PPP6R3: variants seen among roughly 807,000 people sequenced by gnomAD.
PPP6R3 encodes the protein serine/threonine-protein phosphatase 6 regulatory subunit 3.
PPP6R3 carries 38 observed loss-of-function variants against 110.7 expected under a neutral mutation model. The observed-to-expected ratio is 0.34, with a 90% CI of 0.26 to 0.45. PPP6R3 has a LOEUF of 0.45. Ranked by LOEUF, PPP6R3 falls within the 20% of genes least tolerant of loss-of-function variation. The pLI, the probability that PPP6R3 is intolerant of heterozygous loss-of-function variation, is 1.00. For synonymous variants in PPP6R3, 369 were observed against 373.5 expected, an observed-to-expected ratio of 0.99 and a Z score of 0.14; for missense variants, 870 against 1,062.4, an observed-to-expected ratio of 0.82 and a Z score of 2.52.
chr11:68,476,388 G>T (rs1442782561), intron 1 of PPP6R3, among the ~76,000 whole-genome samples: 1 of 146,150 alleles, frequency 6.8e-6, no homozygotes, highest in African/African-American at 2.5e-5. Flanking sequence ...AGGCAGGGAG[G>T]TTGCAGTAAG....
chr11:68,613,068 C>T lies in PPP6R3; in HGVS notation c.2573C>T (p.Thr858Ile), dbSNP rs150559707. Reference sequence around the variant, plus strand: ...GATGCCTGTCTGTTGCTCCTTAGGACTGGCCAACCAAGCGCACCAGGTGAC... The same window carrying T: ...GATGCCTGTCTGTTGCTCCTTAGGATTGGCCAACCAAGCGCACCAGGTGAC... Reference protein sequence around the residue: ...RPPSSSPEQRTGQPSAPGDTS... With the variant: ...RPPSSSPEQRIGQPSAPGDTS... The change falls in exon 24 of 24, where the codon ACT becomes ATT. Residue 858 changes from threonine to isoleucine, a missense_variant and splice_region_variant. Coordinates refer to ENST00000393800, the MANE Select transcript of PPP6R3 (RefSeq NM_001164161.2). The T allele has an allele frequency of 5.1e-4, 822 of 1,614,134 alleles. 5 individuals carry two copies. In the African/African-American group the frequency reaches 8.8e-3, roughly 17 times the overall value.
intron 1 of PPP6R3, among the ~76,000 whole-genome samples, chr11:68,464,967 C>T (rs1298056585): frequency 1.3e-5 from 2 of 151,600 alleles, no homozygotes; most frequent in Non-Finnish European, 2.9e-5. Context: ...CTGCAACCTC[C>T]GCCTCCTGGG....
chr11:68,461,826 GT>G (rs2098710051), intron 1 of PPP6R3, among the ~76,000 whole-genome samples: 1 of 152,104 alleles, frequency 6.6e-6, no homozygotes, highest in South Asian at 2.1e-4. Flanking sequence ...TTCGTGGGAC[GT>G]TTACTTTGAT....
At chr11:68,581,991 AT>A (rs2099556482) in intron 14 of PPP6R3, among the ~76,000 whole-genome samples, 1 of 152,192 alleles carries the variant, frequency 6.6e-6, no homozygotes, top group Admixed American at 6.5e-5. Flanking sequence ...TTTGCTCAGA[AT>A]TTTACAAGAC....
At chr11:68,508,536 G>A (rs1051228183) in intron 1 of PPP6R3, among the ~76,000 whole-genome samples, 23 of 152,126 alleles carry the variant, frequency 1.5e-4, no homozygotes, top group African/African-American at 4.8e-4. Flanking sequence ...GGATGGAAAA[G>A]TACTTGCACA....
rs112228175 is a variant in PPP6R3 at position 68,600,318 on chromosome 11, T to C, written c.2039-23T>C. Reference sequence around the variant, plus strand: ...TGAAACGACTGAAGTGTTTTCCAAATAGAATTTCTCCCCTCTTTTTAGCAC... The same window carrying C: ...TGAAACGACTGAAGTGTTTTCCAAACAGAATTTCTCCCCTCTTTTTAGCAC... On this transcript the variant is annotated intron_variant, in intron 19 of 23. Transcript: ENST00000393800. 4.4e-6 allele frequency: 7 copies of C among 1,608,292 alleles called. No homozygotes were observed. In the Admixed American group the frequency reaches 5.0e-5, roughly 12 times the overall value.
At chr11:68,466,428 A>ATT (rs1255712125) in intron 1 of PPP6R3, among the ~76,000 whole-genome samples, 1 of 136,030 alleles carries the variant, frequency 7.4e-6, no homozygotes, top group African/African-American at 3.0e-5. Context: ...TAGCTAGGAC[A>ATT]TTTTCTTTTT....
intron 7 of PPP6R3, among the ~76,000 whole-genome samples, chr11:68,556,551 G>GA (rs779111990): frequency 0.027 from 2,967 of 108,722 alleles, 61 homozygotes; most frequent in African/African-American, 0.066. Context: ...AAAAAAAAAC[G>GA]AAAAAAAAAA....
chr11:68,599,430 G>T (rs1164190161), intron 19 of PPP6R3, among the ~76,000 whole-genome samples: 1 of 152,230 alleles, frequency 6.6e-6, no homozygotes, highest in Non-Finnish European at 1.5e-5. Context: ...CCCACAGACC[G>T]TAAGTGTGCT....
At chr11:68,545,425 C>G (rs183907769) in intron 4 of PPP6R3, among the ~76,000 whole-genome samples, 1 of 152,308 alleles carries the variant, frequency 6.6e-6, no homozygotes, top group Admixed American at 6.5e-5. Context: ...AAACCAAAAA[C>G]CTTTCCCACA....
chr11:68,523,718 C>T (rs1482958118), intron 2 of PPP6R3, among the ~76,000 whole-genome samples: 1 of 107,602 alleles, frequency 9.3e-6, no homozygotes, highest in Admixed American at 9.5e-5. Flanking sequence ...CCCCCCCCCC[C>T]CCCTTTTTTT....
chr11:68,477,772 A>ATATATATATATATATATATATATATATAT (rs2098846270), intron 1 of PPP6R3, among the ~76,000 whole-genome samples: 1 of 134,758 alleles, frequency 7.4e-6, no homozygotes, highest in African/African-American at 2.8e-5. Flanking sequence ...ATATATATAT[A>ATATATATATATATATATATATATATATAT]ATTTCCAACT....
rs761664061 is a variant in PPP6R3 at position 68,610,021 on chromosome 11, G to C, written c.2568G>C (p.Gln856His). 1.9e-6 allele frequency: 3 copies of C among 1,613,482 alleles called. No homozygotes were observed. Residue 856 changes from glutamine to histidine, a missense_variant and splice_region_variant, in exon 23 of 24, where the codon CAG becomes CAC. Gln to His is a conservative substitution (Grantham distance 24, BLOSUM62 0). Transcript: ENST00000393800. ...APRPPSSSPE[Q>H]RTGQPSAPGD... ...GGCCTCCCAGCAGCAGTCCCGAGCA[G>C]AGGTAACCACCCGCCTCCTCAAACC...
intron 2 of PPP6R3, among the ~76,000 whole-genome samples, chr11:68,525,517 C>T (rs2099192126): frequency 6.6e-6 from 1 of 152,128 alleles, no homozygotes; most frequent in African/African-American, 2.4e-5. Context: ...AAAGAACTTC[C>T]TGAAGGTTAA....
intron 22 of PPP6R3, among the ~76,000 whole-genome samples, chr11:68,606,912 G>A (rs1018377947): frequency 2.6e-5 from 4 of 152,140 alleles, no homozygotes; most frequent in African/African-American, 4.8e-5. Flanking sequence ...TAAGAAATCA[G>A]TTTAAAAAAT....
At chr11:68,518,224 T>G (rs2099146546) in intron 1 of PPP6R3, among the ~76,000 whole-genome samples, 1 of 152,234 alleles carries the variant, frequency 6.6e-6, no homozygotes, top group Non-Finnish European at 1.5e-5. Context: ...CAGTTTATAG[T>G]GAAGAAATCT....
At chr11:68,539,950 G>C (rs954169904) in intron 3 of PPP6R3, among the ~76,000 whole-genome samples, 3 of 152,176 alleles carry the variant, frequency 2.0e-5, no homozygotes, top group Non-Finnish European at 4.4e-5. Context: ...CCAGGCAGGG[G>C]GAACAGCAAG....
chr11:68,548,551 G>A (rs2099358213), intron 5 of PPP6R3, among the ~76,000 whole-genome samples: 1 of 151,952 alleles, frequency 6.6e-6, no homozygotes, highest in Admixed American at 6.6e-5. Context: ...GAGAGGGTTG[G>A]GAGCTCTAAG....
chr11:68,563,069 G>A (rs528391266), intron 8 of PPP6R3, among the ~76,000 whole-genome samples: 2 of 151,660 alleles, frequency 1.3e-5, no homozygotes, highest in Non-Finnish European at 2.9e-5. Flanking sequence ...GGAGGCTGAG[G>A]GGGGAGGATC....
Sources: allele counts gnomAD v4.1 joint callset (sites outside exome capture counted in the v4.1 genomes callset), GRCh38; gene constraint gnomAD v4.1.1; transcripts MANE v1.5; gene names NCBI Gene and HGNC (gene_info 2026-07-23, HGNC 2026-07-21).